Variants in LCN1 observed in about 807,000 individuals in gnomAD.
The protein encoded by LCN1 is lipocalin 1, also known as lipocalin-1.
In LCN1, 25 loss-of-function variants were observed where a neutral mutation model predicts 22.3. The ratio of observed to expected loss-of-function variants is 1.12; its 90% CI spans 0.82 to 1.56. LCN1 has a LOEUF of 1.56. Among genes scored for constraint, LCN1 ranks in the 40% most tolerant of loss-of-function variants. LCN1 has a pLI of 0.00. For missense variants in LCN1, 219 were observed against 235.6 expected, an observed-to-expected ratio of 0.93 and a Z score of 0.46; for synonymous variants, 85 against 97.6, an observed-to-expected ratio of 0.87 and a Z score of 0.76.
At chr9:135,524,809 A>T (rs1303555267) in intron 4 of LCN1, 21 bp from the exon 5 acceptor site, 4 of 1,578,966 alleles carry the variant, frequency 2.5e-6, no homozygotes, top group Non-Finnish European at 3.4e-6. Flanking sequence ...GAGCACCCAC[A>T]TCTCGTCCTG....
rs904544492 is a variant in LCN1, at chr9:135,526,469, A to AC, written c.*133dup. 5.6e-5 allele frequency: 66 copies of AC among 1,174,982 alleles called. No homozygotes were observed. Among genetic ancestry groups the AC allele is most frequent in the African/African-American group, 3.7e-4 (22 of 59,678 alleles). 72.8% of individuals were successfully genotyped at this position (1,174,982 alleles called of 1,614,324 possible). A position where few individuals can be genotyped will look rare whatever the true frequency, so the allele number is the denominator to read the frequency against. On this transcript the variant is annotated 3_prime_UTR_variant, in exon 7 of 7. Transcript: ENST00000371781. ...GCGGCTGGCTGCACCCCTTCCTACC[A>AC]CCCCCCGCCTTCCCCCTGCCCTGCG...
chr9:135,523,069 G>A (rs547499354), intron 2 of LCN1, among the ~76,000 whole-genome samples, 163 bp from the exon 3 acceptor site: 16 of 152,344 alleles, frequency 1.1e-4, no homozygotes, highest in East Asian at 9.7e-4. Context: ...CATGGGACCC[G>A]GAGGGGCCGC....
chr9:135,525,018 C>T (rs1014849294), intron 5 of LCN1, 87 bp downstream of exon 5: 99 of 1,545,168 alleles, frequency 6.4e-5, no homozygotes, highest in Non-Finnish European at 7.7e-5. Flanking sequence ...AACTGTGCTG[C>T]GTCTAATTCT....
chr9:135,524,032 GCCCTCCCTCCT>G, intron 4 of LCN1, 42 bp downstream of exon 4: 3 of 1,465,528 alleles, frequency 2.0e-6, no homozygotes. Context: ...GCCTCCACCT[GCCCTCCCTCCT>G]CCCTCGGCCT....
chr9:135,525,241 C>T (rs1042771847), intron 6 of LCN1, 83 bp downstream of exon 6: 14 of 1,346,366 alleles, frequency 1.0e-5, no homozygotes, highest in African/African-American at 1.4e-5. Context: ...GGGTCTCTCC[C>T]ACCCATCCCA....
At position 135,524,902 on chromosome 9, in the gene LCN1, C is replaced by T. The variant is rs369814066; in HGVS notation, c.476C>T (p.Thr159Met). ...GCCGCAGGAGCCCGCGGACTCAGCA[C>T]GGAGAGCATCCTCATCCCCAGGCAG... ...EKAAGARGLSTESILIPRQSE... is the reference protein window; with the variant it reads ...EKAAGARGLSMESILIPRQSE... Residue 159 changes from threonine (T) to methionine (M), a missense_variant, in exon 5 of 7, where the codon ACG (threonine) becomes ATG (methionine). Transcript: ENST00000371781. 1.1e-5 allele frequency: 18 copies of T among 1,607,418 alleles called. No individual in the cohort carries two copies. Among genetic ancestry groups the T allele is most frequent in the Middle Eastern group, 3.5e-4 (2 of 5,660 alleles).
chr9:135,521,518 C>T lies in LCN1; in HGVS notation c.21C>T (p.Ala7=), dbSNP rs1231528254. The T allele has an allele frequency of 1.2e-5, 19 of 1,612,910 alleles. No homozygotes were observed. Among genetic ancestry groups the T allele is most frequent in the East Asian group, 6.7e-5 (3 of 44,870 alleles). The change falls in exon 1 of 7, where the codon GCC becomes GCT. Residue 7 remains alanine, a synonymous_variant. Coordinates refer to ENST00000371781, the MANE Select transcript of LCN1 (RefSeq NM_002297.4). MKPLLL[A]VSLGLIAALQ... is the part of the protein sequence containing the mutation. ...CGGAGATGAAGCCCCTGCTCCTGGC[C>T]GTCAGCCTTGGCCTCATTGCTGCCC...
chr9:135,523,923 G>C lies in LCN1; in HGVS notation c.336G>C (p.Lys112Asn), dbSNP rs1456729306. 1.2e-6 allele frequency: 2 copies of C among 1,614,102 alleles called. No individual in the cohort carries two copies. The highest frequency in any genetic ancestry group is 2.2e-5 in the East Asian group (1 of 44,880). Residue 112 changes from lysine to asparagine, a missense_variant, in exon 4 of 7, where the codon AAG (lysine) becomes AAC (asparagine). Coordinates refer to ENST00000371781, the MANE Select transcript of LCN1 (RefSeq NM_002297.4). Reference sequence around the variant, plus strand: ...CATACATCATCAGGTCGCACGTGAAGGACCACTACATCTTTTACTGTGAGG... The same window carrying C: ...CATACATCATCAGGTCGCACGTGAACGACCACTACATCTTTTACTGTGAGG... ...HVAYIIRSHV[K>N]DHYIFYCEGE...
intron 4 of LCN1, 61 bp downstream of exon 4, chr9:135,524,051 C>A: frequency 1.7e-6 from 2 of 1,211,838 alleles, no homozygotes; most frequent in Non-Finnish European, 1.2e-6. Flanking sequence ...CCTCCCTCGG[C>A]CTCCTGCACC....
chr9:135,525,234 TCTCTCCCACCCATCCCA>T, intron 6 of LCN1, 76 bp downstream of exon 6: 1 of 1,421,494 alleles, frequency 7.0e-7, no homozygotes, highest in Non-Finnish European at 9.8e-7. Flanking sequence ...GGCCATGGGG[TCTCTCCCACCCATCCCA>T]CTCCTACCTG....
At position 135,524,950 on chromosome 9, in the gene LCN1, C is replaced by A. The variant is rs778426809; in HGVS notation, c.505+19C>A. 2.0e-5 allele frequency: 32 copies of A among 1,597,560 alleles called. No individual in the cohort carries two copies. Among genetic ancestry groups the A allele is most frequent in the Non-Finnish European group, 1.1e-5 (13 of 1,170,600 alleles). On this transcript the variant is annotated intron_variant, in intron 5 of 6. Coordinates refer to ENST00000371781, the MANE Select transcript of LCN1 (RefSeq NM_002297.4). ...CAGAGCGGTAGGAGGCATGGCCCTG[C>A]AGAGCCCCCCATGTCCCCGCGTGGG...
Position 135,524,912 on chromosome 9 carries a change from C to G in LCN1, c.486C>G (p.Ile162Met). ...AGARGLSTES[I>M]LIPRQSETCS... ...CCCGCGGACTCAGCACGGAGAGCAT[C>G]CTCATCCCCAGGCAGAGCGGTAGGA... Residue 162 changes from isoleucine (I) to methionine (M), a missense_variant, in exon 5 of 7, where the codon ATC (isoleucine) becomes ATG (methionine). Physicochemically the swap from Ile to Met is conservative, Grantham distance 10 (BLOSUM62 1). Transcript: ENST00000371781. The G allele has an allele frequency of 1.2e-6, 2 of 1,607,192 alleles. No homozygotes were observed. The highest frequency in any genetic ancestry group is 1.7e-6 in the Non-Finnish European group (2 of 1,177,192).
At chr9:135,523,432 C>A in intron 3 of LCN1, 130 bp downstream of exon 3, 1 of 731,138 alleles carries the variant, frequency 1.4e-6, no homozygotes, top group Non-Finnish European at 2.2e-6. Flanking sequence ...CACTAAAAGC[C>A]CACTCTCTTC....
intron 4 of LCN1, among the ~76,000 whole-genome samples, 179 bp downstream of exon 4, chr9:135,524,169 G>C (rs1436444330): frequency 6.6e-6 from 1 of 152,158 alleles, no homozygotes; most frequent in Admixed American, 6.5e-5. Flanking sequence ...TTCAGGATTT[G>C]GGATGCCCCG....
rs557349098 is a variant in LCN1 at position 135,524,903 on chromosome 9, G to A, written c.477G>A (p.Thr159=). Residue 159 remains threonine (T), a synonymous_variant, in exon 5 of 7, where the codon ACG becomes ACA. Transcript: ENST00000371781. ...CCGCAGGAGCCCGCGGACTCAGCACGGAGAGCATCCTCATCCCCAGGCAGA... is the reference window on the plus strand; with the variant it reads ...CCGCAGGAGCCCGCGGACTCAGCACAGAGAGCATCCTCATCCCCAGGCAGA... ...EKAAGARGLS[T]ESILIPRQSE... The A allele has an allele frequency of 6.8e-6, 11 of 1,607,630 alleles. No individual in the cohort carries two copies. The highest frequency in any genetic ancestry group is 2.3e-5 in the East Asian group (1 of 44,444).
intron 3 of LCN1, among the ~76,000 whole-genome samples, chr9:135,523,523 CT>C (rs1416739935): frequency 2.0e-5 from 3 of 152,252 alleles, no homozygotes; most frequent in African/African-American, 7.2e-5. Flanking sequence ...GGGGCGGACC[CT>C]CTGGGCTTGC....
chr9:135,522,057 C>T lies in LCN1; in HGVS notation c.101C>T (p.Thr34Met), dbSNP rs1385714272. ...SDEEIQDVSG[T>M]WYLKAMTVDR... Reference sequence around the variant, plus strand: ...AGGGGCCTTCTCCAGGTGTCAGGGACGTGGTATCTGAAGGCCATGACGGTG... The same window carrying T: ...AGGGGCCTTCTCCAGGTGTCAGGGATGTGGTATCTGAAGGCCATGACGGTG... Residue 34 changes from threonine to methionine, a missense_variant, in exon 2 of 7, where the codon ACG (threonine) becomes ATG (methionine). By Grantham distance (81) the Thr-to-Met change is moderately conservative. Coordinates refer to ENST00000371781, the MANE Select transcript of LCN1 (RefSeq NM_002297.4). 1.3e-5 allele frequency: 20 copies of T among 1,592,718 alleles called. No homozygotes were observed. The highest frequency in any genetic ancestry group is 4.6e-5 in the East Asian group (2 of 43,874).
rs1259644421 is a variant in LCN1 at position 135,523,875 on chromosome 9, T to G, written c.293-5T>G. 8.7e-6 allele frequency: 14 copies of G among 1,613,388 alleles called. No homozygotes were observed. The highest frequency in any genetic ancestry group is 1.2e-5 in the Non-Finnish European group (14 of 1,179,352). ...ATTCAGGAATGTGCTGCTGTCTTTCTGCAGACGGGGGCAAGCACGTGGCAT... is the reference window on the plus strand; with the variant it reads ...ATTCAGGAATGTGCTGCTGTCTTTCGGCAGACGGGGGCAAGCACGTGGCAT... On this transcript the variant is annotated splice_region_variant and splice_polypyrimidine_tract_variant and intron_variant, in intron 3 of 6. Coordinates refer to ENST00000371781, the MANE Select transcript of LCN1 (RefSeq NM_002297.4).
intron 6 of LCN1, 121 bp downstream of exon 6, chr9:135,525,279 G>A (rs931694568): frequency 2.3e-5 from 22 of 969,560 alleles, no homozygotes; most frequent in Admixed American, 1.8e-4. Flanking sequence ...GATGCCCCAC[G>A]TAGGTCAGGC....
Sources: allele counts gnomAD v4.1 joint callset (sites outside exome capture counted in the v4.1 genomes callset), GRCh38; gene constraint gnomAD v4.1.1; transcripts MANE v1.5; gene names NCBI Gene and HGNC (gene_info 2026-07-23, HGNC 2026-07-21).